The following LRRC7 variants were observed in gnomAD, a reference collection of about 807,000 sequenced individuals.
The protein encoded by LRRC7 is leucine rich repeat containing 7, also known as leucine-rich repeat-containing protein 7.
In LRRC7, 23 loss-of-function variants were observed where a neutral mutation model predicts 175.7. That is an observed-to-expected ratio of 0.13 (90% CI 0.09 to 0.19). LRRC7 has a LOEUF of 0.19. Ranked by LOEUF, LRRC7 falls within the 10% of genes least tolerant of loss-of-function variation. LRRC7 has a pLI of 1.00. For missense variants in LRRC7, 1,354 were observed against 1,904.7 expected (o/e 0.71, Z 5.38); for synonymous variants, 685 against 680.9 (o/e 1.01, Z -0.09).
In LRRC7 at chr1:69,931,576, C is replaced by T. The variant is rs745688473; in HGVS notation, c.711+6C>T. The T allele has an allele frequency of 1.2e-6, 2 of 1,611,504 alleles. No homozygotes were observed. Among genetic ancestry groups the T allele is most frequent in the South Asian group, 2.2e-5 (2 of 90,984 alleles). On this transcript the variant is annotated splice_donor_region_variant and intron_variant, in intron 8 of 26. Coordinates refer to ENST00000651989, the MANE Select transcript of LRRC7 (RefSeq NM_001370785.2). ...ATAATGAATTCGGTGAGCTGGTAAG[C>T]AAATGCATTTTCTAAACCTGATAAA...
chr1:69,830,327 A>C (rs1407112361), intron 5 of LRRC7, among the ~76,000 whole-genome samples: 1 of 151,800 alleles, frequency 6.6e-6, no homozygotes, highest in African/African-American at 2.4e-5. Context: ...TCTGTTTACT[A>C]TTCTTGATTT....
intron 2 of LRRC7, among the ~76,000 whole-genome samples, chr1:69,724,476 A>G (rs531291671): frequency 3.9e-4 from 59 of 152,358 alleles, no homozygotes; most frequent in African/African-American, 1.4e-3. Context: ...ACATGCAATA[A>G]ACATTGCTTA....
At chr1:69,668,493 G>C (rs193117195) in intron 1 of LRRC7, among the ~76,000 whole-genome samples, 16 of 152,256 alleles carry the variant, frequency 1.1e-4, no homozygotes, top group African/African-American at 3.6e-4. Flanking sequence ...TTTTATGGAG[G>C]CATAGTATTC....
At chr1:69,615,353 G>A (rs773869825) in intron 1 of LRRC7, among the ~76,000 whole-genome samples, 3 of 152,028 alleles carry the variant, frequency 2.0e-5, no homozygotes, top group Non-Finnish European at 4.4e-5. Context: ...ACTACTGGGA[G>A]TTTCTTAGAA....
chr1:69,955,118 G>GATATATA (rs1650360083), intron 8 of LRRC7, among the ~76,000 whole-genome samples: 1 of 152,020 alleles, frequency 6.6e-6, no homozygotes, highest in African/African-American at 2.4e-5. Flanking sequence ...CATAGCACTT[G>GATATATA]ATATATAAGT....
chr1:69,979,994 G>A (rs1465466454), intron 8 of LRRC7, among the ~76,000 whole-genome samples: 1 of 152,006 alleles, frequency 6.6e-6, no homozygotes, highest in African/African-American at 2.4e-5. Flanking sequence ...GTAAGCAACA[G>A]GGATGTGAGG....
At chr1:69,902,895 A>C (rs1297256474) in intron 7 of LRRC7, among the ~76,000 whole-genome samples, 2 of 152,182 alleles carry the variant, frequency 1.3e-5, no homozygotes, top group Admixed American at 1.3e-4. Flanking sequence ...TGTCTTTTAC[A>C]GTTCTTTGAT....
intron 11 of LRRC7, among the ~76,000 whole-genome samples, chr1:70,005,479 T>C (rs1655921012): frequency 6.6e-6 from 1 of 152,176 alleles, no homozygotes. Context: ...GATACAGTAA[T>C]ATTTTCCTAT....
chr1:69,769,127 G>A (rs1027935050), intron 3 of LRRC7, among the ~76,000 whole-genome samples: 1 of 152,140 alleles, frequency 6.6e-6, no homozygotes, highest in African/African-American at 2.4e-5. Context: ...ATGTACTACA[G>A]TACAATGTAA....
chr1:70,064,595 A>G (rs1220980326), intron 23 of LRRC7, among the ~76,000 whole-genome samples: 8 of 151,828 alleles, frequency 5.3e-5, no homozygotes. Context: ...CCAGGAATAT[A>G]TTTGATATAT....
At chr1:69,772,306 G>A (rs1192149709) in intron 3 of LRRC7, among the ~76,000 whole-genome samples, 1 of 152,060 alleles carries the variant, frequency 6.6e-6, no homozygotes, top group Non-Finnish European at 1.5e-5. Context: ...AACCTTCTAG[G>A]CAAAGGGGAC....
At chr1:69,982,443 G>A (rs1303105199) in intron 9 of LRRC7, among the ~76,000 whole-genome samples, 1 of 152,208 alleles carries the variant, frequency 6.6e-6, no homozygotes, top group Non-Finnish European at 1.5e-5. Flanking sequence ...TCCAGCCTAT[G>A]TCTGTCAGTT....
chr1:69,663,032 C>CA (rs1046264009), intron 1 of LRRC7, among the ~76,000 whole-genome samples: 1 of 151,928 alleles, frequency 6.6e-6, no homozygotes, highest in Non-Finnish European at 1.5e-5. Flanking sequence ...TTGCCCTGTT[C>CA]TTTTTTTTCC....
chr1:69,650,841 C>A (rs1655730046), intron 1 of LRRC7, among the ~76,000 whole-genome samples: 1 of 152,144 alleles, frequency 6.6e-6, no homozygotes, highest in African/African-American at 2.4e-5. Flanking sequence ...ATATTGCAAG[C>A]ATCATTGGTT....
intron 4 of LRRC7, among the ~76,000 whole-genome samples, chr1:69,815,841 T>C (rs1318979057): frequency 1.3e-5 from 2 of 152,156 alleles, no homozygotes; most frequent in South Asian, 2.1e-4. Context: ...AGTACCTCAA[T>C]TGGCATATGG....
chr1:69,627,957 G>T (rs552379105), intron 1 of LRRC7, among the ~76,000 whole-genome samples: 1 of 151,612 alleles, frequency 6.6e-6, no homozygotes, highest in Admixed American at 6.6e-5. Context: ...GTTTACTTTT[G>T]TTAGCTTTAT....
intron 7 of LRRC7, chr1:69,839,140 AT>A: frequency 5.3e-6 from 1 of 189,516 alleles, no homozygotes; most frequent in Non-Finnish European, 1.2e-5. Context: ...ATGTAACCTT[AT>A]TTTTTACTTA....
intron 7 of LRRC7, among the ~76,000 whole-genome samples, chr1:69,907,744 A>T (rs529768646): frequency 4.6e-5 from 7 of 152,236 alleles, no homozygotes; most frequent in Admixed American, 3.9e-4. Context: ...TGTCTCTGTC[A>T]GGCTTTGGTA....
At chr1:69,986,530 T>C (rs1220624890) in intron 10 of LRRC7, 144 bp downstream of exon 10, 23 of 601,572 alleles carry the variant, frequency 3.8e-5, no homozygotes, top group Admixed American at 7.3e-5. Flanking sequence ...AATCATAAAA[T>C]AGTATCTAAC....
Sources: allele counts gnomAD v4.1 joint callset (sites outside exome capture counted in the v4.1 genomes callset), GRCh38; gene constraint gnomAD v4.1.1; transcripts MANE v1.5; gene names NCBI Gene and HGNC (gene_info 2026-07-23, HGNC 2026-07-21).